The following AMPH variants were observed in gnomAD, a reference collection of about 807,000 sequenced individuals.
The protein encoded by AMPH is amphiphysin.
Under a neutral mutation model 99.1 loss-of-function variants are expected in AMPH, and 49 were observed. The ratio of observed to expected loss-of-function variants is 0.49; its 90% confidence interval spans 0.39 to 0.63. The LOEUF is 0.63. Among genes scored for constraint, AMPH ranks in the 20% least tolerant of loss-of-function variants. AMPH has a pLI of 0.00. For synonymous variants in AMPH, 314 were observed against 317.3 expected (o/e 0.99, Z 0.11); for missense variants, 759 against 863.4 (o/e 0.88, Z 1.52).
intron 15 of AMPH, among the ~76,000 whole-genome samples, chr7:38,423,830 T>C (rs1302507782): frequency 6.6e-6 from 1 of 152,132 alleles, no homozygotes; most frequent in Non-Finnish European, 1.5e-5. Context: ...CCTCAAGATA[T>C]TCTTACCTAC....
At chr7:38,591,288 TTC>T (rs1350765097) in intron 1 of AMPH, among the ~76,000 whole-genome samples, 1 of 114,832 alleles carries the variant, frequency 8.7e-6, no homozygotes, top group Non-Finnish European at 1.8e-5. Context: ...CTTTTTCTTT[TTC>T]TTTTTTTTTT....
chr7:38,422,535 A>G, intron 15 of AMPH, 58 bp from the exon 16 acceptor site: 2 of 1,332,472 alleles, frequency 1.5e-6, no homozygotes, highest in Non-Finnish European at 2.2e-6. Flanking sequence ...ATCAGCTACC[A>G]TCAATTGTGT....
intron 14 of AMPH, chr7:38,428,619 A>G: frequency 2.2e-6 from 1 of 456,656 alleles, no homozygotes; most frequent in Non-Finnish European, 4.4e-6. Context: ...TTTTCTAGTC[A>G]AATCCCATCC....
intron 1 of AMPH, among the ~76,000 whole-genome samples, chr7:38,614,327 T>C (rs1793795819): frequency 6.6e-6 from 1 of 152,230 alleles, no homozygotes; most frequent in Non-Finnish European, 1.5e-5. Flanking sequence ...TCCTGCAGTT[T>C]CCATGATGGA....
At chr7:38,550,489 T>C (rs1380441277) in intron 1 of AMPH, among the ~76,000 whole-genome samples, 2 of 152,224 alleles carry the variant, frequency 1.3e-5, no homozygotes, top group African/African-American at 2.4e-5. Flanking sequence ...ACACCACAAA[T>C]GCTGGTTATT....
chr7:38,577,816 G>A lies in AMPH; in HGVS notation c.70-42805C>T, dbSNP rs926710856. 2.7e-5 allele frequency among the ~76,000 whole-genome samples: 4 copies of A among 146,222 alleles called. No homozygotes were observed. The East Asian group carries it at 5.8e-4, about 21-fold the overall frequency. ...GGAGGGAAAAAGAGAAAGAAGACAG[G>A]AAGAAAGGAAGGAAAGGAGGAGGGA... On this transcript the variant is annotated intron_variant, in intron 1 of 20. Coordinates refer to ENST00000356264, the MANE Select transcript of AMPH (RefSeq NM_001635.4).
chr7:38,628,562 T>C (rs557387945), intron 1 of AMPH, among the ~76,000 whole-genome samples: 10 of 152,282 alleles, frequency 6.6e-5, no homozygotes, highest in Admixed American at 3.9e-4. Flanking sequence ...ATTTAAAATA[T>C]TGATGGAAAA....
At chr7:38,476,774 T>A in intron 6 of AMPH, 88 bp downstream of exon 6, 1 of 879,924 alleles carries the variant, frequency 1.1e-6, no homozygotes, top group Middle Eastern at 2.3e-4. Context: ...AATCTCCTTT[T>A]ATAGAGGAGG....
At chr7:38,589,526 G>C (rs192307711) in intron 1 of AMPH, among the ~76,000 whole-genome samples, 3 of 152,078 alleles carry the variant, frequency 2.0e-5, no homozygotes, top group African/African-American at 7.2e-5. Flanking sequence ...AACCTACCCC[G>C]AGCATCAAAA....
intron 1 of AMPH, among the ~76,000 whole-genome samples, chr7:38,557,247 T>C (rs1347624559): frequency 2.0e-5 from 3 of 152,192 alleles, no homozygotes; most frequent in Non-Finnish European, 2.9e-5. Flanking sequence ...GACACAGCTA[T>C]AGTAGTTATC....
At chr7:38,536,441 G>A (rs1174009223) in intron 1 of AMPH, among the ~76,000 whole-genome samples, 2 of 152,138 alleles carry the variant, frequency 1.3e-5, no homozygotes, top group Non-Finnish European at 2.9e-5. Context: ...CAGAGTTCAT[G>A]CAGATTTCTT....
At chr7:38,418,047 C>A in intron 16 of AMPH, 97 bp from the exon 17 acceptor site, 1 of 1,351,584 alleles carries the variant, frequency 7.4e-7, no homozygotes, top group Non-Finnish European at 1.0e-6. Context: ...CTTTGTCATC[C>A]CATAGGCAAC....
chr7:38,569,376 AAT>A (rs1424199891), intron 1 of AMPH, among the ~76,000 whole-genome samples: 1 of 152,110 alleles, frequency 6.6e-6, no homozygotes, highest in Non-Finnish European at 1.5e-5. Context: ...CTAGAATTTT[AAT>A]ATGTGTATTC....
chr7:38,391,000 A>G (rs1366836755), intron 19 of AMPH, among the ~76,000 whole-genome samples: 2 of 51,032 alleles, frequency 3.9e-5, no homozygotes, highest in African/African-American at 6.1e-5. Context: ...AGAGAGAGAG[A>G]GAGAGAGAGA....
rs745982557 is a variant in AMPH, at chr7:38,574,700, CTTCTA to C, written c.70-39694_70-39690del. 6.6e-5 allele frequency among the ~76,000 whole-genome samples: 10 copies of C among 152,144 alleles called. No individual in the cohort carries two copies. The South Asian group carries it at 1.0e-3, about 16-fold the overall frequency. On this transcript the variant is annotated intron_variant, in intron 1 of 20. Transcript: ENST00000356264. ...TAGGACGATGGGTGAGATTTTTATT[CTTCTA>C]TTCTATTTTTTTCTAGGCCTTCCAA...
At chr7:38,543,602 G>A (rs1790890290) in intron 1 of AMPH, among the ~76,000 whole-genome samples, 1 of 152,170 alleles carries the variant, frequency 6.6e-6, no homozygotes, top group African/African-American at 2.4e-5. Flanking sequence ...AATCTTGTGA[G>A]TTAGGTTACT....
intron 3 of AMPH, among the ~76,000 whole-genome samples, chr7:38,498,468 T>A (rs571716193): frequency 6.6e-6 from 1 of 152,334 alleles, no homozygotes; most frequent in South Asian, 2.1e-4. Context: ...TTCATGTGAT[T>A]TTAGGCAAAT....
In AMPH at chr7:38,391,980, G is replaced by T. The variant is rs1487482886; in HGVS notation, c.1646C>A (p.Ser549Tyr). 1.2e-6 allele frequency: 2 copies of T among 1,609,096 alleles called. No individual in the cohort carries two copies. Among genetic ancestry groups the T allele is most frequent in the African/African-American group, 2.7e-5 (2 of 74,902 alleles). Residue 549 changes from serine to tyrosine, a missense_variant, in exon 19 of 21, where the codon TCC becomes TAC. Ser to Tyr is a moderately radical substitution (Grantham distance 144, BLOSUM62 -2). Around this residue, in one of 2 missense-constraint regions of AMPH, gnomAD observed 554 missense variants for 575.6 expected, o/e 0.96. Transcript: ENST00000356264. Reference protein sequence around the residue: ...VIPSVVIEPASNHEEEGENEI... With the variant: ...VIPSVVIEPAYNHEEEGENEI... ...GTTTTCTCCTTCCTCTTCATGGTTG[G>T]AGGCAGGCTCTATGACCACCGAAGG...
At chr7:38,523,588 T>C (rs1396154588) in intron 2 of AMPH, among the ~76,000 whole-genome samples, 1 of 152,128 alleles carries the variant, frequency 6.6e-6, no homozygotes, top group Non-Finnish European at 1.5e-5. Flanking sequence ...TATAACCCAG[T>C]GAATAACATA....
Sources: gnomAD v4.1 joint callset for allele counts (sites outside exome capture counted in the v4.1 genomes callset) on GRCh38, gnomAD v4.1.1 for gene constraint, gnomAD v4.1.1 regional missense constraint, MANE v1.5 for transcripts, NCBI Gene and HGNC (gene_info 2026-07-23, HGNC 2026-07-21) for gene names.